DNAH3: variants seen among roughly 807,000 people sequenced by gnomAD.
The protein encoded by DNAH3 is dynein axonemal heavy chain 3, also known as axonemal beta dynein heavy chain 3.
In DNAH3, 332 loss-of-function variants were observed where a neutral mutation model predicts 432.5. The ratio of observed to expected loss-of-function variants is 0.77; its 90% confidence interval spans 0.70 to 0.84. DNAH3 has a LOEUF of 0.84. Ranked by LOEUF, DNAH3 falls within the 40% of genes least tolerant of loss-of-function variation. The pLI, the probability that DNAH3 is intolerant of heterozygous loss-of-function variation, is 0.00. For synonymous variants in DNAH3, 1,956 were observed against 1,900.2 expected (o/e 1.03, Z -0.76); for missense variants, 4,861 against 5,114.0 (o/e 0.95, Z 1.51).
In DNAH3 at chr16:20,982,845, T is replaced by G. The variant is rs766878476; in HGVS notation, c.7735A>C (p.Met2579Leu). 3 of 1,614,164 alleles carry G rather than the reference T, an allele frequency of 1.9e-6. No homozygotes were observed. In the South Asian group the frequency reaches 3.3e-5, roughly 18 times the overall value. The change falls in exon 49 of 62, where the codon ATG becomes CTG. Residue 2579 changes from methionine (M) to leucine (L), a missense_variant. Physicochemically the swap from Met to Leu is conservative, Grantham distance 15. Transcript: ENST00000261383. ...CAGCAATTGATCAGCGAAGGGAACA[T>G]CCGCAGGCGGTTCCTGAAGGCATCC...
At chr16:21,142,406 CATAA>C (rs1307611251) in intron 3 of DNAH3, among the ~76,000 whole-genome samples, 1 of 151,924 alleles carries the variant, frequency 6.6e-6, no homozygotes, top group African/African-American at 2.4e-5. Context: ...TACATACATA[CATAA>C]ATAAAATAAA....
At chr16:20,963,006 CA>C (rs2084893097) in intron 53 of DNAH3, among the ~76,000 whole-genome samples, 1 of 151,298 alleles carries the variant, frequency 6.6e-6, no homozygotes, top group African/African-American at 2.4e-5. Flanking sequence ...TATCAAGATA[CA>C]AAAGTGGGAA....
At chr16:21,109,695 G>A (rs891378278) in intron 14 of DNAH3, among the ~76,000 whole-genome samples, 1 of 151,398 alleles carries the variant, frequency 6.6e-6, no homozygotes, top group Non-Finnish European at 1.5e-5. Context: ...GACCTCCTGA[G>A]CTCAAGTGAT....
chr16:21,030,959 C>T, intron 37 of DNAH3, 86 bp downstream of exon 37: 2 of 1,354,702 alleles, frequency 1.5e-6, no homozygotes, highest in Non-Finnish European at 2.1e-6. Flanking sequence ...AAATGTATGT[C>T]TCTATATAGT....
intron 38 of DNAH3, 32 bp from the exon 39 acceptor site, chr16:21,024,733 C>T (rs372204837): frequency 5.6e-5 from 86 of 1,534,534 alleles, no homozygotes; most frequent in African/African-American, 5.3e-4. Flanking sequence ...TTTAGGTGCT[C>T]GCTTCTTTGT....
chr16:20,982,812 C>T (rs747111448), exon 49 of DNAH3: 1 of 1,614,086 alleles, frequency 6.2e-7, no homozygotes, highest in African/African-American at 1.3e-5. Flanking sequence ...TGGAACCAAT[C>T]AATCGTACAG....
At chr16:20,975,313 C>T (rs1597019336) in exon 51 of DNAH3, 1 of 1,614,068 alleles carries the variant, frequency 6.2e-7, no homozygotes, top group Non-Finnish European at 8.5e-7. Context: ...CCATCAGCTT[C>T]TCTCGTCTCC....
rs902422596 is a variant in DNAH3 at position 21,080,469 on chromosome 16, C to T, written c.2969+1167G>A. 2.0e-5 allele frequency among the ~76,000 whole-genome samples: 3 copies of T among 152,138 alleles called. No individual in the cohort carries two copies. The South Asian group carries it at 6.2e-4, about 32-fold the overall frequency. On this transcript the variant is annotated intron_variant, in intron 20 of 61. Coordinates refer to ENST00000261383, the Ensembl canonical transcript of DNAH3. ...TGTTAGGTATTTTGCATTCTTTTTT[C>T]TTGTAGTATGTCTTCGAAATCCAGC...
In DNAH3 at chr16:21,025,049, C is replaced by T. The variant is rs568138120; in HGVS notation, c.5541-348G>A. 3.0e-4 allele frequency among the ~76,000 whole-genome samples: 45 copies of T among 152,142 alleles called. No individual in the cohort carries two copies. In the East Asian group the frequency reaches 7.4e-3, roughly 25 times the overall value. ...AAGTGATTCTCATTTCTCAGCCTCC[C>T]GAGTAGCTGGAATTACAAGTGCGTC... On this transcript the variant is annotated intron_variant, in intron 38 of 61. Coordinates refer to ENST00000261383, the Ensembl canonical transcript of DNAH3.
At chr16:21,129,567 CAAAAAAAAA>C (rs555280776) in intron 7 of DNAH3, among the ~76,000 whole-genome samples, 1 of 78,052 alleles carries the variant, frequency 1.3e-5, no homozygotes, top group African/African-American at 4.5e-5. Context: ...CCTATCTCTA[CAAAAAAAAA>C]AAAAAAAAAA....
chr16:21,060,769 C>T (rs2090328078), intron 25 of DNAH3, among the ~76,000 whole-genome samples: 1 of 151,168 alleles, frequency 6.6e-6, no homozygotes, highest in Admixed American at 6.6e-5. Flanking sequence ...TCGTGATCTG[C>T]CCACCTCGGC....
chr16:20,941,207 A>T (rs1455607524), intron 59 of DNAH3, among the ~76,000 whole-genome samples, 194 bp downstream of exon 59: 1 of 152,218 alleles, frequency 6.6e-6, no homozygotes, highest in Non-Finnish European at 1.5e-5. Flanking sequence ...ATGGGAATGA[A>T]TGAATAGAAG....
intron 59 of DNAH3, among the ~76,000 whole-genome samples, chr16:20,938,209 T>C (rs550180589): frequency 6.6e-6 from 1 of 152,046 alleles, no homozygotes. Context: ...CTGGCCAACA[T>C]GGTTAAACCC....
At chr16:20,998,561 G>C (rs1422555152) in intron 43 of DNAH3, among the ~76,000 whole-genome samples, 3 of 151,888 alleles carry the variant, frequency 2.0e-5, no homozygotes, top group Non-Finnish European at 2.9e-5. Context: ...CCTGAGCTGG[G>C]GTTTTTGATG....
chr16:20,987,436 A>G (rs2086252054), exon 47 of DNAH3: 1 of 1,613,800 alleles, frequency 6.2e-7, no homozygotes, highest in South Asian at 1.1e-5. Context: ...AGCCGGATAC[A>G]TTTTTCTACA....
intron 22 of DNAH3, 83 bp downstream of exon 22, chr16:21,070,627 C>A: frequency 1.2e-6 from 1 of 821,950 alleles, no homozygotes; most frequent in South Asian, 1.4e-5. Context: ...TCTTTGTTAA[C>A]TGAACGTGAA....
intron 58 of DNAH3, among the ~76,000 whole-genome samples, chr16:20,943,327 C>T (rs1427196899): frequency 6.6e-6 from 1 of 151,994 alleles, no homozygotes; most frequent in African/African-American, 2.4e-5. Flanking sequence ...ATCCACCCAC[C>T]TTGGCCTCCC....
intron 53 of DNAH3, among the ~76,000 whole-genome samples, chr16:20,961,757 GTT>G (rs753578799): frequency 2.4e-5 from 3 of 123,368 alleles, no homozygotes; most frequent in Admixed American, 7.9e-5. Flanking sequence ...TAAATTTCTG[GTT>G]TTTTTTTTTT....
intron 27 of DNAH3, 119 bp from the exon 28 acceptor site, chr16:21,054,653 C>T: frequency 1.5e-6 from 1 of 685,886 alleles, no homozygotes; most frequent in South Asian, 1.9e-5. Context: ...GGGTGTCATC[C>T]CTCAAGTCCA....
Sources: gnomAD v4.1 joint callset for allele counts (sites outside exome capture counted in the v4.1 genomes callset) on GRCh38, gnomAD v4.1.1 for gene constraint, MANE v1.5 for transcripts, NCBI Gene and HGNC (gene_info 2026-07-23, HGNC 2026-07-21) for gene names.